The following FRMPD1 variants were observed in gnomAD, a reference collection of about 807,000 sequenced individuals.
FRMPD1 encodes FERM and PDZ domain-containing protein 1.
Under a neutral mutation model 117.8 loss-of-function variants are expected in FRMPD1, and 76 were observed. That is an observed-to-expected ratio of 0.65 (90% CI 0.54 to 0.78). The LOEUF is 0.78. FRMPD1 is among the 30% of genes least tolerant of loss of function. FRMPD1 has a pLI of 0.00. For missense variants in FRMPD1, 1,786 were observed against 1,964.5 expected (o/e 0.91, Z 1.72); for synonymous variants, 783 against 770.4 (o/e 1.02, Z -0.27).
At chr9:37,744,125 G>A (rs1343489394) in intron 15 of FRMPD1, among the ~76,000 whole-genome samples, 7 of 151,912 alleles carry the variant, frequency 4.6e-5, no homozygotes, top group African/African-American at 1.5e-4. Context: ...GGGAGGCAGA[G>A]GTTGCAGTGA....
intron 1 of FRMPD1, among the ~76,000 whole-genome samples, chr9:37,688,030 A>G (rs1679248655): frequency 6.6e-6 from 1 of 152,234 alleles, no homozygotes; most frequent in South Asian, 2.1e-4. Flanking sequence ...ATACATACCA[A>G]ATTGTTAACT....
At position 37,658,867 on chromosome 9, in the gene FRMPD1, A is replaced by G. The variant is rs114962877; in HGVS notation, c.-5+7773A>G. Among the ~76,000 whole-genome samples the G allele has an allele frequency of 7.5e-3, 1,137 of 152,056 alleles. 18 individuals are homozygous for G. The highest frequency in any genetic ancestry group is 0.025 in the African/African-American group (1,043 of 41,458). ...CTGGGATTGGGACTTGGAATTATTT[A>G]TTTATTTATTTATTTTTGAGACTGG... On this transcript the variant is annotated intron_variant, in intron 1 of 15. Coordinates refer to ENST00000377765, the MANE Select transcript of FRMPD1 (RefSeq NM_014907.3).
At chr9:37,738,673 C>T (rs756620314) in intron 14 of FRMPD1, among the ~76,000 whole-genome samples, 5 of 152,006 alleles carry the variant, frequency 3.3e-5, no homozygotes, top group African/African-American at 4.8e-5. Flanking sequence ...TATTTATGAA[C>T]GAGGGGTGAC....
chr9:37,697,974 G>A (rs1375078588), intron 2 of FRMPD1, among the ~76,000 whole-genome samples: 1 of 152,148 alleles, frequency 6.6e-6, no homozygotes, highest in Non-Finnish European at 1.5e-5. Flanking sequence ...AATTAGCTGG[G>A]CATTGTGGCG....
rs549588048 is a variant in FRMPD1 at position 37,685,629 on chromosome 9, G to A, written c.-4-7009G>A. Among the ~76,000 whole-genome samples, 4 of 152,116 alleles carry A rather than the reference G, an allele frequency of 2.6e-5. No homozygotes were observed. The South Asian group carries it at 8.3e-4, about 32-fold the overall frequency. The stretch of plus-strand genomic sequence containing the variant: ...ATCTTGCCACTGCACTACAGCCTAG[G>A]CGAGAAAGCGAGACTCCGTCTCAAA... On this transcript the variant is annotated intron_variant, in intron 1 of 15. Coordinates refer to ENST00000377765, the MANE Select transcript of FRMPD1 (RefSeq NM_014907.3).
At chr9:37,633,792 T>C in the FRMPD1 span, among the ~76,000 whole-genome samples, 1 of 152,148 alleles carries the variant, frequency 6.6e-6, no homozygotes, top group African/African-American at 2.4e-5. Context: ...GCTTGGGAGG[T>C]TGAGGCTGCA....
intron 2 of FRMPD1, 124 bp downstream of exon 2, chr9:37,692,866 T>C (rs2118033277): frequency 1.4e-6 from 1 of 734,770 alleles, no homozygotes; most frequent in South Asian, 1.5e-5. Flanking sequence ...TTACACCATA[T>C]GGTGGGAGCA....
rs970874398 is a variant in FRMPD1, at chr9:37,707,633, A to G, written c.259+60A>G. ...GTTTCTTAAGGGGAAATAGCCCCAA[A>G]TCTCCCCGATCTCTCTATCCTATAA... On this transcript the variant is annotated intron_variant, in intron 3 of 15. Transcript: ENST00000377765. 270 of 1,318,376 alleles carry G rather than the reference A, an allele frequency of 2.0e-4. 1 individual carries two copies. Among genetic ancestry groups the G allele is most frequent in the Non-Finnish European group, 4.2e-5 (39 of 924,146 alleles). The allele number at this position is 1,318,376 out of a possible 1,614,324, so 81.7% of individuals were successfully genotyped here.
At chr9:37,617,151 A>G in the FRMPD1 span, among the ~76,000 whole-genome samples, 1 of 152,260 alleles carries the variant, frequency 6.6e-6, no homozygotes, top group Non-Finnish European at 1.5e-5. Context: ...AAACTTGCCC[A>G]AGATCACTAA....
chr9:37,712,635 C>T (rs1029000861), intron 5 of FRMPD1, among the ~76,000 whole-genome samples: 2 of 152,150 alleles, frequency 1.3e-5, no homozygotes, highest in Non-Finnish European at 2.9e-5. Context: ...GGATTACAGG[C>T]GTCATCCACC....
At chr9:37,701,471 T>TTGTGTG (rs200016680) in intron 2 of FRMPD1, among the ~76,000 whole-genome samples, 1 of 123,604 alleles carries the variant, frequency 8.1e-6, no homozygotes, top group Non-Finnish European at 1.9e-5. Flanking sequence ...GTTGGGGAAA[T>TTGTGTG]TGTGTGTGTG....
chr9:37,725,661 T>G (rs537538179), intron 7 of FRMPD1, among the ~76,000 whole-genome samples: 1 of 152,184 alleles, frequency 6.6e-6, no homozygotes, highest in Non-Finnish European at 1.5e-5. Context: ...GAATAGACTT[T>G]AAGTGTTTAC....
intron 2 of FRMPD1, among the ~76,000 whole-genome samples, chr9:37,696,848 T>G (rs919848498): frequency 6.6e-6 from 1 of 152,236 alleles, no homozygotes; most frequent in Non-Finnish European, 1.5e-5. Context: ...TGTACTTGCT[T>G]TACTTGTCTT....
At chr9:37,692,344 A>G (rs1028456546) in intron 1 of FRMPD1, among the ~76,000 whole-genome samples, 1 of 152,028 alleles carries the variant, frequency 6.6e-6, no homozygotes, top group Non-Finnish European at 1.5e-5. Flanking sequence ...ATCTCTTCCT[A>G]TGGGTCACAG....
the FRMPD1 span, among the ~76,000 whole-genome samples, chr9:37,631,197 T>G: frequency 6.6e-6 from 1 of 151,844 alleles, no homozygotes; most frequent in Non-Finnish European, 1.5e-5. Flanking sequence ...GTTGAAAAAA[T>G]GGTTAAAAGC....
intron 1 of FRMPD1, among the ~76,000 whole-genome samples, chr9:37,659,551 G>A (rs780012378): frequency 3.9e-5 from 6 of 152,160 alleles, no homozygotes; most frequent in Non-Finnish European, 8.8e-5. Context: ...GTTCTCAGAC[G>A]TAGGGAAGAT....
At chr9:37,637,164 C>A in the FRMPD1 span, 3 of 1,610,280 alleles carry the variant, frequency 1.9e-6, no homozygotes, top group Admixed American at 5.0e-5. Flanking sequence ...ATCTTGAAGT[C>A]CACCCCGATG....
chr9:37,618,682 T>G, the FRMPD1 span, among the ~76,000 whole-genome samples: 1 of 152,228 alleles, frequency 6.6e-6, no homozygotes, highest in African/African-American at 2.4e-5. Flanking sequence ...ATACCCTATA[T>G]GCCAGCCTCA....
intron 15 of FRMPD1, among the ~76,000 whole-genome samples, chr9:37,742,788 A>T (rs1337482405): frequency 6.6e-6 from 1 of 152,062 alleles, no homozygotes; most frequent in East Asian, 1.9e-4. Flanking sequence ...AATCCCAGCT[A>T]CCCAGGAGGC....
Sources: allele counts gnomAD v4.1 joint callset (sites outside exome capture counted in the v4.1 genomes callset), GRCh38; gene constraint gnomAD v4.1.1; transcripts MANE v1.5; gene names NCBI Gene and HGNC (gene_info 2026-07-23, HGNC 2026-07-21).